Variants in KCNN2 observed in about 807,000 individuals in gnomAD.
The protein encoded by KCNN2 is small conductance calcium-activated potassium channel protein 2.
In KCNN2, 24 loss-of-function variants were observed where a neutral mutation model predicts 55.5. The ratio of observed to expected loss-of-function variants is 0.43; its 90% CI spans 0.31 to 0.61. The LOEUF (loss-of-function observed/expected upper bound fraction) is 0.61. Ranked by LOEUF, KCNN2 falls within the 20% of genes least tolerant of loss-of-function variation. The pLI is 0.08. For synonymous variants in KCNN2, 431 were observed against 336.1 expected, an observed-to-expected ratio of 1.28 and a Z score of -3.09; for missense variants, 754 against 853.6, an observed-to-expected ratio of 0.88 and a Z score of 1.45.
At chr5:114,259,619 T>C (rs1755059596) in intron 2 of KCNN2, among the ~76,000 whole-genome samples, 1 of 151,786 alleles carries the variant, frequency 6.6e-6, no homozygotes, top group South Asian at 2.1e-4. Flanking sequence ...TAAAGTATAA[T>C]AATAATAAAA....
At chr5:114,155,525 T>G (rs1752613260) in intron 1 of KCNN2, among the ~76,000 whole-genome samples, 1 of 152,208 alleles carries the variant, frequency 6.6e-6, no homozygotes, top group Non-Finnish European at 1.5e-5. Flanking sequence ...ACATTCCCTT[T>G]TCTCCACAAC....
At chr5:114,335,031 C>A (rs1474629025) in intron 2 of KCNN2, among the ~76,000 whole-genome samples, 2 of 152,122 alleles carry the variant, frequency 1.3e-5, no homozygotes, top group Non-Finnish European at 2.9e-5. Flanking sequence ...TCACGCCATT[C>A]TCCTGCCTCA....
At chr5:114,165,945 A>G (rs1207854873) in intron 1 of KCNN2, among the ~76,000 whole-genome samples, 1 of 152,078 alleles carries the variant, frequency 6.6e-6, no homozygotes, top group Non-Finnish European at 1.5e-5. Context: ...TATTTTTGCC[A>G]ATGTTTTTTT....
intron 2 of KCNN2, among the ~76,000 whole-genome samples, chr5:114,381,044 C>G (rs150703189): frequency 9.3e-4 from 141 of 152,258 alleles, no homozygotes; most frequent in African/African-American, 3.3e-3. Context: ...GGGGGCAGCC[C>G]TCCTTGTTCC....
chr5:114,202,650 G>A (rs1270235257), intron 1 of KCNN2, among the ~76,000 whole-genome samples: 4 of 146,258 alleles, frequency 2.7e-5, no homozygotes, highest in African/African-American at 7.6e-5. Flanking sequence ...GCAGTGGCGC[G>A]ATCTCGGCTC....
At chr5:114,409,393 G>A (rs903165111) in intron 3 of KCNN2, among the ~76,000 whole-genome samples, 12 of 152,010 alleles carry the variant, frequency 7.9e-5, no homozygotes, top group Admixed American at 7.9e-4. Context: ...AGTATCTTAC[G>A]CTTCCTTGAT....
chr5:114,274,247 G>GTAT (rs139486366), intron 2 of KCNN2, among the ~76,000 whole-genome samples: 2 of 2,342 alleles, frequency 8.5e-4, no homozygotes, highest in African/African-American at 1.1e-3. Flanking sequence ...CTGTAGCCTT[G>GTAT]TATAGTTTGA....
intron 2 of KCNN2, among the ~76,000 whole-genome samples, chr5:114,351,869 T>C (rs1466027041): frequency 3.3e-5 from 5 of 151,764 alleles, no homozygotes; most frequent in Non-Finnish European, 4.4e-5. Context: ...CTGTTGAAGA[T>C]TTTTGCATCT....
chr5:114,405,845 G>A (rs1175780840), intron 3 of KCNN2, among the ~76,000 whole-genome samples: 1 of 151,788 alleles, frequency 6.6e-6, no homozygotes, highest in African/African-American at 2.4e-5. Context: ...CGAGTAGCTG[G>A]GACTACAGGT....
At chr5:114,251,026 T>C (rs1754847253) in intron 2 of KCNN2, among the ~76,000 whole-genome samples, 1 of 152,208 alleles carries the variant, frequency 6.6e-6, no homozygotes, top group African/African-American at 2.4e-5. Flanking sequence ...CATGAAGATA[T>C]GGATTTCTAA....
chr5:114,275,425 G>T (rs1436758997), intron 2 of KCNN2, among the ~76,000 whole-genome samples: 1 of 152,060 alleles, frequency 6.6e-6, no homozygotes, highest in Non-Finnish European at 1.5e-5. Context: ...ATTCCTCTTT[G>T]TACCTCTGGT....
chr5:114,174,750 G>T (rs1410955484), intron 1 of KCNN2, among the ~76,000 whole-genome samples: 1 of 152,122 alleles, frequency 6.6e-6, no homozygotes, highest in Admixed American at 6.6e-5. Context: ...ATTCCAAAAG[G>T]CCTGCTTCCT....
At chr5:114,488,810 G>A (rs1242531093) in intron 6 of KCNN2, among the ~76,000 whole-genome samples, 2 of 152,140 alleles carry the variant, frequency 1.3e-5, no homozygotes, top group Non-Finnish European at 2.9e-5. Flanking sequence ...GCCATACCAT[G>A]CATGGCAAAA....
At chr5:114,112,304 A>T (rs1324952219) in intron 1 of KCNN2, among the ~76,000 whole-genome samples, 1 of 152,146 alleles carries the variant, frequency 6.6e-6, no homozygotes, top group Non-Finnish European at 1.5e-5. Context: ...CAGGGTGGGG[A>T]ACATCACAGA....
chr5:114,094,929 T>C (rs1389610846), intron 1 of KCNN2, among the ~76,000 whole-genome samples: 3 of 152,132 alleles, frequency 2.0e-5, no homozygotes, highest in Non-Finnish European at 4.4e-5. Context: ...TTTTCTATTA[T>C]ATATTTTTAT....
At chr5:114,249,470 A>G (rs887550915) in intron 2 of KCNN2, among the ~76,000 whole-genome samples, 3 of 151,800 alleles carry the variant, frequency 2.0e-5, no homozygotes, top group Non-Finnish European at 4.4e-5. Flanking sequence ...TATTTTTACT[A>G]GAGATGAGGT....
intron 5 of KCNN2, among the ~76,000 whole-genome samples, chr5:114,485,078 T>C (rs924756746): frequency 6.6e-6 from 1 of 152,220 alleles, no homozygotes; most frequent in Admixed American, 6.5e-5. Context: ...GTATTGACTT[T>C]AGAAATAATT....
At chr5:114,326,529 G>T (rs1377945720) in intron 2 of KCNN2, among the ~76,000 whole-genome samples, 1 of 152,162 alleles carries the variant, frequency 6.6e-6, no homozygotes, top group Non-Finnish European at 1.5e-5. Flanking sequence ...GTGGGTCCAT[G>T]TTCAAAGGTG....
chr5:114,399,246 A>G (rs1464410291), intron 2 of KCNN2, among the ~76,000 whole-genome samples: 1 of 152,150 alleles, frequency 6.6e-6, no homozygotes, highest in Non-Finnish European at 1.5e-5. Context: ...AGGGGTTTTA[A>G]CATGATGGCC....
Sources: allele counts gnomAD v4.1 joint callset (sites outside exome capture counted in the v4.1 genomes callset), GRCh38; gene constraint gnomAD v4.1.1; transcripts MANE v1.5; gene names NCBI Gene and HGNC (gene_info 2026-07-23, HGNC 2026-07-21).